AAK1: variants seen among roughly 807,000 people sequenced by gnomAD.
AAK1 encodes AP2-associated protein kinase 1.
Under a neutral mutation model 116.0 loss-of-function variants are expected in AAK1, and 37 were observed. The ratio of observed to expected loss-of-function variants is 0.32; its 90% CI spans 0.25 to 0.42. AAK1 has a LOEUF of 0.42. AAK1 is among the 10% of genes least tolerant of loss of function. AAK1 has a pLI of 1.00. For missense variants in AAK1, 919 were observed against 1,170.6 expected, an observed-to-expected ratio of 0.79 and a Z score of 3.14; for synonymous variants, 458 against 439.9, an observed-to-expected ratio of 1.04 and a Z score of -0.51.
In AAK1 at chr2:69,473,551, C is replaced by G; in HGVS notation, c.*2318G>C. 1.0e-6 allele frequency: 1 copy of G among 985,428 alleles called. No individual in the cohort carries two copies. Among genetic ancestry groups the G allele is most frequent in the Non-Finnish European group, 1.2e-6 (1 of 829,920 alleles). The allele number at this position is 985,428 out of a possible 1,614,324, so 61.0% of individuals were successfully genotyped here. On this transcript the variant is annotated 3_prime_UTR_variant, in exon 22 of 22. Coordinates refer to ENST00000409085, the MANE Select transcript of AAK1 (RefSeq NM_014911.5). ...TGCCGTCTCTGGCTTCTAGTCTGCT[C>G]ATTTTCATTAACTGCCTCCATTAAG...
chr2:69,640,047 A>T (rs914236903), intron 2 of AAK1, among the ~76,000 whole-genome samples: 23 of 135,600 alleles, frequency 1.7e-4, no homozygotes, highest in East Asian at 1.5e-3. Flanking sequence ...ACACACACAC[A>T]CACACACTCT....
Position 69,468,975 on chromosome 2 carries a change from A to G in AAK1, c.*6894T>C. On this transcript the variant is annotated 3_prime_UTR_variant, in exon 22 of 22. Transcript: ENST00000409085. ...TTCCAACAACTTTGAATAATTTACA[A>G]AAACAGTCACAAAAACACCAGAATA... 2.0e-6 allele frequency: 2 copies of G among 985,486 alleles called. No individual in the cohort carries two copies. Among genetic ancestry groups the G allele is most frequent in the Non-Finnish European group, 2.4e-6 (2 of 829,938 alleles). The allele number at this position is 985,486 out of a possible 1,614,324, so 61.0% of individuals were successfully genotyped here.
At chr2:69,569,601 C>A (rs1238282454) in intron 2 of AAK1, among the ~76,000 whole-genome samples, 1 of 152,106 alleles carries the variant, frequency 6.6e-6, no homozygotes, top group Non-Finnish European at 1.5e-5. Flanking sequence ...AATATAAAAT[C>A]TTTCCATCTC....
At chr2:69,634,879 A>G (rs936656528) in intron 2 of AAK1, among the ~76,000 whole-genome samples, 4 of 152,254 alleles carry the variant, frequency 2.6e-5, no homozygotes, top group Non-Finnish European at 4.4e-5. Flanking sequence ...GGAACAAAAA[A>G]TGGTACAGAA....
chr2:69,564,911 G>C (rs1348978283), intron 2 of AAK1, among the ~76,000 whole-genome samples: 10 of 152,040 alleles, frequency 6.6e-5, no homozygotes, highest in Admixed American at 6.5e-4. Flanking sequence ...CACACAGAAG[G>C]TGTTCCTGCC....
intron 11 of AAK1, chr2:69,520,103 C>T (rs954945736): frequency 2.6e-5 from 6 of 234,718 alleles, no homozygotes; most frequent in Admixed American, 4.1e-5. Flanking sequence ...TCTCCCCTAG[C>T]CCATTTCAAT....
chr2:69,537,198 T>C lies in AAK1; in HGVS notation c.535-5036A>G, dbSNP rs375700688. ...ACACCATGATCTGCAATACTGATCT[T>C]TATCTTTCTCAGAGAAATGAAAATT... On this transcript the variant is annotated intron_variant, in intron 5 of 21. Coordinates refer to ENST00000409085, the MANE Select transcript of AAK1 (RefSeq NM_014911.5). Among the ~76,000 whole-genome samples the C allele has an allele frequency of 7.9e-5, 12 of 152,358 alleles. No homozygotes were observed. The South Asian group carries it at 2.3e-3, about 29-fold the overall frequency.
chr2:69,636,111 T>C (rs951993355), intron 2 of AAK1, among the ~76,000 whole-genome samples: 4 of 152,218 alleles, frequency 2.6e-5, no homozygotes, highest in African/African-American at 7.2e-5. Context: ...CTATAGTTCA[T>C]GTGTGCTTGG....
At chr2:69,594,472 A>G (rs1198325151) in intron 2 of AAK1, among the ~76,000 whole-genome samples, 1 of 152,228 alleles carries the variant, frequency 6.6e-6, no homozygotes, top group Non-Finnish European at 1.5e-5. Context: ...ATGATTTACA[A>G]TTCAGTGCTT....
intron 17 of AAK1, among the ~76,000 whole-genome samples, chr2:69,494,464 G>C (rs1675660159): frequency 6.6e-6 from 1 of 152,188 alleles, no homozygotes; most frequent in Admixed American, 6.5e-5. Flanking sequence ...TGTGCAAAGA[G>C]GCCTTCTTCC....
In AAK1 at chr2:69,527,208, T is replaced by A. The variant is rs1670064157; in HGVS notation, c.975+8A>T. The stretch of plus-strand genomic sequence containing the variant: ...GTTTACTCCCTTTAAATAGCACCAT[T>A]CACGTACCTGTACATTTGGAATTGG... On this transcript the variant is annotated splice_region_variant and intron_variant, in intron 9 of 21. Transcript: ENST00000409085. 2 of 1,576,036 alleles carry A rather than the reference T, an allele frequency of 1.3e-6. No homozygotes were observed. The highest frequency in any genetic ancestry group is 1.1e-5 in the South Asian group (1 of 87,698).
intron 2 of AAK1, among the ~76,000 whole-genome samples, chr2:69,630,724 A>T (rs1454863726): frequency 6.6e-6 from 1 of 152,176 alleles, no homozygotes; most frequent in Non-Finnish European, 1.5e-5. Flanking sequence ...CACAGTACTA[A>T]CCTTGAAAGT....
chr2:69,484,614 G>C (rs191920807), intron 17 of AAK1, among the ~76,000 whole-genome samples: 141 of 152,258 alleles, frequency 9.3e-4, no homozygotes, highest in African/African-American at 3.3e-3. Flanking sequence ...CCAACATGGG[G>C]AAATCCACAT....
intron 2 of AAK1, among the ~76,000 whole-genome samples, chr2:69,563,086 C>CA (rs906240407): frequency 9.9e-5 from 15 of 152,096 alleles, no homozygotes; most frequent in African/African-American, 1.2e-4. Context: ...TAAATAAAGA[C>CA]AAAGATTTAA....
chr2:69,475,655 T>C lies in AAK1; in HGVS notation c.*214A>G. On this transcript the variant is annotated 3_prime_UTR_variant, in exon 22 of 22. Coordinates refer to ENST00000409085, the MANE Select transcript of AAK1 (RefSeq NM_014911.5). ...AGGGTAATGAGAAAACACAGCAAAC[T>C]AACAAGGAGGAACTGGCCAAGGAAT... is the stretch of plus-strand genomic sequence containing the variant. The C allele has an allele frequency of 7.4e-7, 1 of 1,348,678 alleles. No homozygotes were observed. The highest frequency in any genetic ancestry group is 9.5e-7 in the Non-Finnish European group (1 of 1,049,632). 83.5% of individuals were successfully genotyped at this position (1,348,678 alleles called of 1,614,324 possible). A position where few individuals can be genotyped will look rare whatever the true frequency, so the allele number is the denominator to read the frequency against.
At chr2:69,545,709 G>A (rs1282038643) in intron 3 of AAK1, among the ~76,000 whole-genome samples, 1 of 152,208 alleles carries the variant, frequency 6.6e-6, no homozygotes, top group African/African-American at 2.4e-5. Flanking sequence ...AATGACTATT[G>A]CCTCAGAAAT....
At chr2:69,541,526 C>T (rs1433900016) in intron 5 of AAK1, among the ~76,000 whole-genome samples, 1 of 152,196 alleles carries the variant, frequency 6.6e-6, no homozygotes, top group African/African-American at 2.4e-5. Flanking sequence ...GCCACCACGC[C>T]TGGCCTGAAT....
chr2:69,529,284 T>C (rs1670144990), intron 8 of AAK1, among the ~76,000 whole-genome samples: 1 of 152,254 alleles, frequency 6.6e-6, no homozygotes, highest in Non-Finnish European at 1.5e-5. Flanking sequence ...TCAGGATTTA[T>C]AATCAATCCA....
intron 2 of AAK1, among the ~76,000 whole-genome samples, chr2:69,596,364 G>C (rs1673286209): frequency 6.6e-6 from 1 of 151,942 alleles, no homozygotes; most frequent in Non-Finnish European, 1.5e-5. Context: ...TAGGATTACA[G>C]GCACCTGCCA....
Sources: allele counts gnomAD v4.1 joint callset (sites outside exome capture counted in the v4.1 genomes callset), GRCh38; gene constraint gnomAD v4.1.1; transcripts MANE v1.5; gene names NCBI Gene and HGNC (gene_info 2026-07-23, HGNC 2026-07-21).